RIT2: variants seen among roughly 807,000 people sequenced by gnomAD.
RIT2 encodes the protein GTP-binding protein Rit2.
RIT2 carries 24 observed loss-of-function variants against 23.7 expected under a neutral mutation model. The observed-to-expected ratio is 1.01, with a 90% CI of 0.73 to 1.43. The LOEUF (loss-of-function observed/expected upper bound fraction) is 1.43, where lower values mean the gene tolerates loss of function less well. RIT2 is among the 40% of genes most tolerant of loss of function. The probability of loss-of-function intolerance (pLI) is 0.00; values close to 1 mark genes in which losing one functional copy is unlikely to be tolerated. For synonymous variants in RIT2, 107 were observed against 91.1 expected, an observed-to-expected ratio of 1.17 and a Z score of -0.99; for missense variants, 236 against 266.9, an observed-to-expected ratio of 0.88 and a Z score of 0.81.
chr18:42,864,159 C>T (rs549065896), intron 4 of RIT2, among the ~76,000 whole-genome samples: 4 of 152,138 alleles, frequency 2.6e-5, no homozygotes, highest in Admixed American at 1.3e-4. Flanking sequence ...TCACATCTAC[C>T]TGTTGGTTGC....
At chr18:43,019,950 A>T (rs1911558170) in intron 2 of RIT2, among the ~76,000 whole-genome samples, 1 of 152,080 alleles carries the variant, frequency 6.6e-6, no homozygotes, top group Non-Finnish European at 1.5e-5. Context: ...TTACCAAAAA[A>T]AAAAACTCCT....
At chr18:43,077,102 CAAA>C (rs34419558) in intron 1 of RIT2, among the ~76,000 whole-genome samples, 6,322 of 79,984 alleles carry the variant, frequency 0.079, 151 homozygotes, top group South Asian at 0.18. Context: ...GACTCCGTCT[CAAA>C]AAAAAAAAAA....
intron 1 of RIT2, among the ~76,000 whole-genome samples, chr18:43,042,255 G>C (rs1372809880): frequency 3.3e-5 from 5 of 152,280 alleles, no homozygotes; most frequent in South Asian, 4.1e-4. Context: ...AGAGGGAAGA[G>C]AGATAACTTA....
chr18:43,044,274 T>C (rs1344577437), intron 1 of RIT2, among the ~76,000 whole-genome samples: 1 of 152,204 alleles, frequency 6.6e-6, no homozygotes, highest in Non-Finnish European at 1.5e-5. Flanking sequence ...GATCCCACTT[T>C]AATGACAGCT....
At chr18:42,870,265 C>G (rs1486626897) in intron 4 of RIT2, among the ~76,000 whole-genome samples, 16 of 152,092 alleles carry the variant, frequency 1.1e-4, no homozygotes, top group Admixed American at 1.0e-3. Flanking sequence ...GGCTGTTGTA[C>G]CTTTTTATTT....
At chr18:42,880,240 T>G (rs530094418) in intron 4 of RIT2, among the ~76,000 whole-genome samples, 20 of 152,258 alleles carry the variant, frequency 1.3e-4, no homozygotes, top group Admixed American at 5.2e-4. Context: ...CTACCCTGAC[T>G]CCATCTCTGG....
chr18:43,033,761 A>C, intron 2 of RIT2, 50 bp downstream of exon 2: 1 of 1,251,684 alleles, frequency 8.0e-7, no homozygotes, highest in Non-Finnish European at 1.2e-6. Context: ...CAAGCCACTT[A>C]GTCACAGTGT....
At chr18:42,847,464 AT>A (rs945082051) in intron 4 of RIT2, among the ~76,000 whole-genome samples, 2 of 152,184 alleles carry the variant, frequency 1.3e-5, no homozygotes, top group African/African-American at 4.8e-5. Flanking sequence ...TTAAAAAAAA[AT>A]AATAAAAGTA....
chr18:42,839,448 G>C (rs1906705063), intron 4 of RIT2, among the ~76,000 whole-genome samples: 1 of 152,134 alleles, frequency 6.6e-6, no homozygotes, highest in Admixed American at 6.5e-5. Context: ...ATCTTGGCCT[G>C]GGTTGACTTT....
chr18:42,984,100 T>C lies in RIT2; in HGVS notation c.161-9953A>G, dbSNP rs138544942. Among the ~76,000 whole-genome samples the C allele has an allele frequency of 2.6e-3, 401 of 152,220 alleles. 2 individuals carry two copies. The highest frequency in any genetic ancestry group is 9.1e-3 in the African/African-American group (380 of 41,574). ...ACACATGAACACAAAGAAAGTAATGTTTTCAAGTTGTTTATCTTAGTTTTA... is the reference window on the plus strand; with the variant it reads ...ACACATGAACACAAAGAAAGTAATGCTTTCAAGTTGTTTATCTTAGTTTTA... On this transcript the variant is annotated intron_variant, in intron 2 of 4. Coordinates refer to ENST00000326695, the MANE Select transcript of RIT2 (RefSeq NM_002930.4).
chr18:43,009,813 T>C (rs1002568492), intron 2 of RIT2, among the ~76,000 whole-genome samples: 6 of 151,716 alleles, frequency 4.0e-5, no homozygotes, highest in Admixed American at 1.3e-4. Context: ...CATGCTGGTA[T>C]CTCTCCAAAC....
At chr18:42,751,250 G>A (rs1049181001) in intron 4 of RIT2, among the ~76,000 whole-genome samples, 3 of 151,954 alleles carry the variant, frequency 2.0e-5, no homozygotes, top group Non-Finnish European at 2.9e-5. Flanking sequence ...TTTTCTTTAA[G>A]AAGAGTAGAA....
rs928776392 is a variant in RIT2 at position 42,852,515 on chromosome 18, T to C, written c.426+71057A>G. Among the ~76,000 whole-genome samples the C allele has an allele frequency of 1.2e-4, 19 of 152,302 alleles. 2 individuals are homozygous for C. Among genetic ancestry groups the C allele is most frequent in the Admixed American group, 7.8e-4 (12 of 15,288 alleles). On this transcript the variant is annotated intron_variant, in intron 4 of 4. Transcript: ENST00000326695. ...ATGGTGTTCAGGCTCTGGGACTTTT[T>C]CCTCACTTTCACCATTTATTTGTTA...
At chr18:42,940,394 T>A (rs1428140873) in intron 3 of RIT2, among the ~76,000 whole-genome samples, 1 of 149,474 alleles carries the variant, frequency 6.7e-6, no homozygotes, top group Non-Finnish European at 1.5e-5. Context: ...ATATATATAA[T>A]TTGTATATAT....
In RIT2 at chr18:42,782,152, G is replaced by A. The variant is rs113634373; in HGVS notation, c.427-38432C>T. 2.1e-3 allele frequency among the ~76,000 whole-genome samples: 321 copies of A among 152,190 alleles called. 1 individual carries two copies. The highest frequency in any genetic ancestry group is 7.4e-3 in the African/African-American group (309 of 41,556). ...AAATTGGATCAGCCTTAAGAGTCTG[G>A]AAGACAGCTATTTAACCATCCATTC... is the stretch of plus-strand genomic sequence containing the variant. On this transcript the variant is annotated intron_variant, in intron 4 of 4. Transcript: ENST00000326695.
At chr18:43,021,287 C>T (rs915081038) in intron 2 of RIT2, among the ~76,000 whole-genome samples, 12 of 151,930 alleles carry the variant, frequency 7.9e-5, no homozygotes, top group Admixed American at 2.6e-4. Flanking sequence ...AAGAAATGCT[C>T]AATATAATTA....
intron 4 of RIT2, among the ~76,000 whole-genome samples, chr18:42,776,143 T>C (rs912613278): frequency 1.3e-5 from 2 of 152,134 alleles, no homozygotes; most frequent in Non-Finnish European, 2.9e-5. Flanking sequence ...ATAGGAAGGA[T>C]AGAATCTGAA....
chr18:42,781,599 C>G (rs1913813195), intron 4 of RIT2, among the ~76,000 whole-genome samples: 2 of 152,094 alleles, frequency 1.3e-5, no homozygotes. Context: ...GGCACCAGAA[C>G]CCAGAGGAAT....
At chr18:43,060,834 T>C (rs113088591) in intron 1 of RIT2, among the ~76,000 whole-genome samples, 26 of 152,242 alleles carry the variant, frequency 1.7e-4, no homozygotes, top group African/African-American at 4.8e-4. Context: ...CTCTGTTGCA[T>C]GTAAAATCAG....
Sources: gnomAD v4.1 joint callset for allele counts (sites outside exome capture counted in the v4.1 genomes callset) on GRCh38, gnomAD v4.1.1 for gene constraint, MANE v1.5 for transcripts, NCBI Gene and HGNC (gene_info 2026-07-23, HGNC 2026-07-21) for gene names.